The following SNRPG variants were observed in gnomAD, a reference collection of about 807,000 sequenced individuals.
SNRPG encodes the protein small nuclear ribonucleoprotein G.
In SNRPG, 3 loss-of-function variants were observed where a neutral mutation model predicts 13.9. That is an observed-to-expected ratio of 0.22 (90% CI 0.10 to 0.56). The LOEUF is 0.56. SNRPG is among the 20% of genes least tolerant of loss of function. SNRPG has a pLI of 0.93. For missense variants in SNRPG, 34 were observed against 96.1 expected, an observed-to-expected ratio of 0.35 and a Z score of 2.70; for synonymous variants, 29 against 29.3, an observed-to-expected ratio of 0.99 and a Z score of 0.03.
intron 3 of SNRPG, among the ~76,000 whole-genome samples, chr2:70,286,470 T>C (rs1257539119): frequency 1.3e-5 from 2 of 152,050 alleles, no homozygotes; most frequent in Non-Finnish European, 2.9e-5. Context: ...TATTTCTTTT[T>C]CAAAGTGAAG....
chr2:70,283,231 G>T (rs1485322847), intron 3 of SNRPG, among the ~76,000 whole-genome samples: 2 of 151,578 alleles, frequency 1.3e-5, no homozygotes, highest in Non-Finnish European at 2.9e-5. Context: ...AAACTGGAAG[G>T]CTAGGGGACT....
chr2:70,291,943 C>T (rs1697108311), intron 1 of SNRPG, among the ~76,000 whole-genome samples: 1 of 142,750 alleles, frequency 7.0e-6, no homozygotes, highest in South Asian at 2.3e-4. Flanking sequence ...TTCTGAGTAA[C>T]TTCTATTTTT....
Position 70,283,036 on chromosome 2 carries a change from G to C in SNRPG, c.181-1352C>G, listed in dbSNP as rs527869669. ...CTTGAACCCGGGAGGCGGAGGTTGC[G>C]GTAAGCCAAGATAGCGCCACTGCAC... On this transcript the variant is annotated intron_variant, in intron 3 of 3. Coordinates refer to ENST00000272348, the MANE Select transcript of SNRPG (RefSeq NM_003096.4). 2.3e-5 allele frequency among the ~76,000 whole-genome samples: 3 copies of C among 131,888 alleles called. No homozygotes were observed. The South Asian group carries it at 7.5e-4, about 33-fold the overall frequency. 86.5% of individuals were successfully genotyped at this position (131,888 alleles called of 152,430 possible).
rs558208175 is a variant in SNRPG at position 70,292,321 on chromosome 2, T to G, written c.32+1297A>C. Among the ~76,000 whole-genome samples, 4 of 152,170 alleles carry G rather than the reference T, an allele frequency of 2.6e-5. No individual in the cohort carries two copies. The East Asian group carries it at 7.7e-4, about 29-fold the overall frequency. The stretch of plus-strand genomic sequence containing the variant: ...AGTAGTTTTCATACAAAAGATGGCT[T>G]TGATACAAATGGACCTTTAAATGCA... On this transcript the variant is annotated intron_variant, in intron 1 of 3. Coordinates refer to ENST00000272348, the MANE Select transcript of SNRPG (RefSeq NM_003096.4).
At chr2:70,287,264 C>T in intron 3 of SNRPG, 1 of 699,408 alleles carries the variant, frequency 1.4e-6, no homozygotes, top group South Asian at 1.5e-5. Context: ...GCAACTCTTA[C>T]CACTCCTTGG....
chr2:70,283,111 A>AAAAAAAAAC (rs1696846868), intron 3 of SNRPG, among the ~76,000 whole-genome samples: 1 of 145,928 alleles, frequency 6.9e-6, no homozygotes, highest in African/African-American at 2.6e-5. Flanking sequence ...AAAAAAAAAA[A>AAAAAAAAAC]AAAAAAAAAA....
At chr2:70,287,707 T>C in intron 3 of SNRPG, 1 of 394,518 alleles carries the variant, frequency 2.5e-6, no homozygotes, top group Non-Finnish European at 4.5e-6. Flanking sequence ...GCCCCATACC[T>C]ACTGAAGTAG....
At chr2:70,292,877 C>G (rs1441032985) in intron 1 of SNRPG, 1 of 460,482 alleles carries the variant, frequency 2.2e-6, no homozygotes, top group Non-Finnish European at 3.9e-6. Flanking sequence ...TAAGTCCACT[C>G]AAAAAGTATT....
chr2:70,293,525 C>G (rs1045576335), intron 1 of SNRPG, 93 bp downstream of exon 1: 12 of 1,069,946 alleles, frequency 1.1e-5, no homozygotes, highest in African/African-American at 4.7e-5. Flanking sequence ...TGAAGTGAAG[C>G]GGCTCAAGAC....
At chr2:70,283,285 T>C (rs891680490) in intron 3 of SNRPG, among the ~76,000 whole-genome samples, 3 of 151,626 alleles carry the variant, frequency 2.0e-5, no homozygotes, top group East Asian at 3.9e-4. Context: ...TCATAATCGA[T>C]AGATCACCCA....
Position 70,293,667 on chromosome 2 carries a change from C to G in SNRPG, c.-18G>C. ...TTGCTCATGGTGTATACTCCGCGGG[C>G]TCACAGATGCCTTGGAACGCAACGC... On this transcript the variant is annotated 5_prime_UTR_variant, in exon 1 of 4. Coordinates refer to ENST00000272348, the MANE Select transcript of SNRPG (RefSeq NM_003096.4). The G allele has an allele frequency of 6.2e-7, 1 of 1,613,722 alleles. No individual in the cohort carries two copies. Among genetic ancestry groups the G allele is most frequent in the Non-Finnish European group, 8.5e-7 (1 of 1,179,580 alleles).
chr2:70,292,613 T>C (rs1267107840), intron 1 of SNRPG: 2 of 156,286 alleles, frequency 1.3e-5, no homozygotes, highest in Non-Finnish European at 2.9e-5. Flanking sequence ...CCTCCCAAAG[T>C]GCTGGGATTA....
chr2:70,291,058 C>CACAT (rs3222847), intron 1 of SNRPG, among the ~76,000 whole-genome samples: 4 of 136,128 alleles, frequency 2.9e-5, no homozygotes, highest in Non-Finnish European at 3.2e-5. Context: ...CACACACACA[C>CACAT]ATATATGAAG....
intron 3 of SNRPG, among the ~76,000 whole-genome samples, chr2:70,286,257 TTAAGTAA>T (rs1388689548): frequency 2.0e-5 from 3 of 152,174 alleles, no homozygotes; most frequent in African/African-American, 7.2e-5. Context: ...TAAAACAGTA[TTAAGTAA>T]TTTCAATGGC....
chr2:70,287,938 A>T, intron 3 of SNRPG, 130 bp downstream of exon 3: 1 of 782,052 alleles, frequency 1.3e-6, no homozygotes. Context: ...GCCGTATGCA[A>T]CTAAAAAGGA....
intron 1 of SNRPG, 94 bp from the exon 2 acceptor site, chr2:70,289,466 T>A (rs1697025321): frequency 1.5e-6 from 1 of 655,692 alleles, no homozygotes; most frequent in African/African-American, 1.9e-5. Flanking sequence ...TTGCTAAAAT[T>A]TATACAATGG....
chr2:70,290,087 C>G (rs1697045159), intron 1 of SNRPG, among the ~76,000 whole-genome samples: 1 of 150,740 alleles, frequency 6.6e-6, no homozygotes, highest in South Asian at 2.1e-4. Context: ...AAAATATACT[C>G]CCCCTCAGCC....
chr2:70,293,348 G>T, intron 1 of SNRPG: 1 of 633,798 alleles, frequency 1.6e-6, no homozygotes, highest in Non-Finnish European at 2.8e-6. Context: ...GAGGGACAGC[G>T]CCGGGTGACC....
chr2:70,288,113 A>G lies in SNRPG; in HGVS notation c.135T>C (p.Cys45=), dbSNP rs1218804721. 4 of 1,610,932 alleles carry G rather than the reference A, an allele frequency of 2.5e-6. No individual in the cohort carries two copies. The highest frequency in any genetic ancestry group is 3.4e-6 in the Non-Finnish European group (4 of 1,178,118). The part of the protein sequence containing the change: ...DPFMNLVIDE[C]VEMATSGQQN... ...GTTGTCCACTAGTCGCCATCTCCAC[A>G]CATTCATCTATCACAAGGTTCATAA... The change falls in exon 3 of 4, where the codon TGT becomes TGC. Residue 45 remains cysteine (C), a synonymous_variant. Coordinates refer to ENST00000272348, the MANE Select transcript of SNRPG (RefSeq NM_003096.4).
Sources: gnomAD v4.1 joint callset for allele counts (sites outside exome capture counted in the v4.1 genomes callset) on GRCh38, gnomAD v4.1.1 for gene constraint, MANE v1.5 for transcripts, NCBI Gene and HGNC (gene_info 2026-07-23, HGNC 2026-07-21) for gene names.